TBCA: variants seen among roughly 807,000 people sequenced by gnomAD.
TBCA encodes the protein tubulin-specific chaperone A.
TBCA carries 6 observed loss-of-function variants against 15.8 expected under a neutral mutation model. The ratio of observed to expected loss-of-function variants is 0.38; its 90% CI spans 0.21 to 0.75. The LOEUF (loss-of-function observed/expected upper bound fraction) is 0.75. TBCA is among the 30% of genes least tolerant of loss of function. The probability of loss-of-function intolerance (pLI) is 0.46; values close to 1 mark genes in which losing one functional copy is unlikely to be tolerated. For missense variants in TBCA, 90 were observed against 131.2 expected (o/e 0.69, Z 1.53); for synonymous variants, 32 against 42.3 (o/e 0.76, Z 0.94).
At chr5:77,721,814 G>A (rs1746535259) in intron 1 of TBCA, among the ~76,000 whole-genome samples, 1 of 151,960 alleles carries the variant, frequency 6.6e-6, no homozygotes, top group South Asian at 2.1e-4. Context: ...AGTCTATTCT[G>A]TATCAAATAT....
chr5:77,738,419 G>A (rs979462748), intron 1 of TBCA, among the ~76,000 whole-genome samples: 8 of 152,188 alleles, frequency 5.3e-5, no homozygotes, highest in Non-Finnish European at 1.0e-4. Flanking sequence ...AAAATAGGAA[G>A]ACTAATATTC....
chr5:77,747,218 TA>T (rs1747206029), intron 1 of TBCA, among the ~76,000 whole-genome samples: 1 of 151,974 alleles, frequency 6.6e-6, no homozygotes, highest in African/African-American at 2.4e-5. Context: ...ATGACAGTAC[TA>T]AAAAATCTGG....
intron 1 of TBCA, among the ~76,000 whole-genome samples, chr5:77,719,087 C>G (rs972023141): frequency 6.6e-6 from 1 of 152,154 alleles, no homozygotes; most frequent in Non-Finnish European, 1.5e-5. Flanking sequence ...ATATGCCTCA[C>G]AGATATATTT....
chr5:77,733,165 C>T (rs777839522), intron 1 of TBCA, among the ~76,000 whole-genome samples: 6 of 152,176 alleles, frequency 3.9e-5, no homozygotes, highest in Non-Finnish European at 5.9e-5. Flanking sequence ...CCTGTAATCC[C>T]AGCTACTCAG....
chr5:77,708,105 T>C, intron 2 of TBCA, 137 bp downstream of exon 2: 2 of 597,574 alleles, frequency 3.3e-6, no homozygotes, highest in Non-Finnish European at 5.7e-6. Context: ...TTGAGTTTCC[T>C]TATCTTTAAA....
chr5:77,736,837 G>A (rs1374996674), intron 1 of TBCA, among the ~76,000 whole-genome samples: 1 of 152,118 alleles, frequency 6.6e-6, no homozygotes, highest in African/African-American at 2.4e-5. Context: ...GCTATATAAT[G>A]CTTTGCAATT....
intron 1 of TBCA, among the ~76,000 whole-genome samples, chr5:77,742,454 CTGAA>C (rs1164010717): frequency 1.3e-5 from 2 of 152,074 alleles, no homozygotes; most frequent in African/African-American, 2.4e-5. Context: ...ATTCTACTAA[CTGAA>C]TGCTGTTTCA....
intron 1 of TBCA, among the ~76,000 whole-genome samples, chr5:77,770,618 G>T (rs191259844): frequency 5.2e-4 from 79 of 151,942 alleles, no homozygotes; most frequent in African/African-American, 1.7e-3. Flanking sequence ...TGTGCTGGGG[G>T]AAAAAACTGA....
At chr5:77,722,934 TATA>T (rs748250775) in intron 1 of TBCA, among the ~76,000 whole-genome samples, 7 of 151,806 alleles carry the variant, frequency 4.6e-5, no homozygotes, top group Non-Finnish European at 1.0e-4. Flanking sequence ...TCTATGATAG[TATA>T]ATATTAAATA....
At chr5:77,704,741 G>A (rs1310966166) in intron 2 of TBCA, among the ~76,000 whole-genome samples, 2 of 152,142 alleles carry the variant, frequency 1.3e-5, no homozygotes, top group African/African-American at 4.8e-5. Flanking sequence ...ATGTATGTAG[G>A]TTGGCTAAAG....
At chr5:77,737,256 G>A (rs564060871) in intron 1 of TBCA, among the ~76,000 whole-genome samples, 3 of 152,152 alleles carry the variant, frequency 2.0e-5, no homozygotes, top group Admixed American at 1.3e-4. Context: ...ATGAACCAAA[G>A]CTTTTGTTTA....
intron 1 of TBCA, among the ~76,000 whole-genome samples, chr5:77,748,404 G>C (rs1747237971): frequency 6.6e-6 from 1 of 151,590 alleles, no homozygotes; most frequent in Non-Finnish European, 1.5e-5. Flanking sequence ...GAATATGGGG[G>C]AGGGAGAGAC....
chr5:77,731,849 A>T (rs894831856), intron 1 of TBCA, among the ~76,000 whole-genome samples: 1 of 152,232 alleles, frequency 6.6e-6, no homozygotes, highest in African/African-American at 2.4e-5. Flanking sequence ...TGGTAAAATG[A>T]AAGAGTTAAT....
chr5:77,701,682 C>CAT (rs58679612), intron 2 of TBCA, among the ~76,000 whole-genome samples: 3,586 of 50,664 alleles, frequency 0.071, 215 homozygotes, highest in Non-Finnish European at 0.083. Flanking sequence ...CTGTGGCATG[C>CAT]ATATATATAT....
chr5:77,731,953 A>T (rs1303734989), intron 1 of TBCA, among the ~76,000 whole-genome samples: 2 of 152,204 alleles, frequency 1.3e-5, no homozygotes, highest in Non-Finnish European at 2.9e-5. Flanking sequence ...CTGACTGTTA[A>T]GGAAGTAAGT....
chr5:77,732,962 A>C (rs1025523732), intron 1 of TBCA, among the ~76,000 whole-genome samples: 2 of 152,216 alleles, frequency 1.3e-5, no homozygotes, highest in African/African-American at 4.8e-5. Flanking sequence ...AGGAAGAATC[A>C]CATGTCTCTA....
At chr5:77,758,988 C>T (rs1028348034) in intron 1 of TBCA, among the ~76,000 whole-genome samples, 6 of 152,152 alleles carry the variant, frequency 3.9e-5, no homozygotes, top group African/African-American at 1.2e-4. Flanking sequence ...CACCAACTGC[C>T]GATTATCATT....
chr5:77,761,061 G>A (rs1045684225), intron 1 of TBCA, among the ~76,000 whole-genome samples: 8 of 151,896 alleles, frequency 5.3e-5, no homozygotes, highest in African/African-American at 7.3e-5. Flanking sequence ...AGTGAGGAGC[G>A]CCTCTGCCTG....
chr5:77,760,702 C>T (rs969480020), intron 1 of TBCA, among the ~76,000 whole-genome samples: 16 of 152,230 alleles, frequency 1.1e-4, no homozygotes, highest in African/African-American at 2.2e-4. Flanking sequence ...GGATTGCAGA[C>T]GGAGTCTCGC....
Sources: allele counts gnomAD v4.1 joint callset (sites outside exome capture counted in the v4.1 genomes callset), GRCh38; gene constraint gnomAD v4.1.1; transcripts MANE v1.5; gene names NCBI Gene and HGNC (gene_info 2026-07-23, HGNC 2026-07-21).